Variants in CSRNP3 observed in about 807,000 individuals in gnomAD.
The protein encoded by CSRNP3 is cysteine/serine-rich nuclear protein 3.
A neutral mutation model predicts 48.0 loss-of-function variants in CSRNP3; 12 were observed. The observed-to-expected ratio is 0.25, with a 90% CI of 0.16 to 0.41. CSRNP3 has a LOEUF of 0.41. Ranked by LOEUF, CSRNP3 falls within the 10% of genes least tolerant of loss-of-function variation. CSRNP3 has a pLI of 1.00. For missense variants in CSRNP3, 580 were observed against 724.4 expected (o/e 0.80, Z 2.29); for synonymous variants, 263 against 269.7 (o/e 0.98, Z 0.24).
At chr2:165,542,900 A>C (rs1558929835) in intron 3 of CSRNP3, among the ~76,000 whole-genome samples, 1 of 152,188 alleles carries the variant, frequency 6.6e-6, no homozygotes, top group Non-Finnish European at 1.5e-5. Flanking sequence ...AGTCTGTATG[A>C]AATATGAAGT....
intron 1 of CSRNP3, among the ~76,000 whole-genome samples, chr2:165,493,832 G>A (rs1198825091): frequency 6.6e-6 from 1 of 152,010 alleles, no homozygotes; most frequent in African/African-American, 2.4e-5. Flanking sequence ...AATAACTATA[G>A]GCAAAAGAGA....
rs766951963 is a variant in CSRNP3 at position 165,687,064 on chromosome 2, A to G, written c.*7311A>G. The G allele has an allele frequency of 2.6e-5, 4 of 152,088 alleles. No homozygotes were observed. Among genetic ancestry groups the G allele is most frequent in the African/African-American group, 7.2e-5 (3 of 41,440 alleles). The allele number at this position is 152,088 out of a possible 1,614,324, so 9.4% of individuals were successfully genotyped here. A position where few individuals can be genotyped will look rare whatever the true frequency, so the allele number is the denominator to read the frequency against. On this transcript the variant is annotated 3_prime_UTR_variant, in exon 7 of 7. Coordinates refer to ENST00000651982, the MANE Select transcript of CSRNP3 (RefSeq NM_001172173.2). The stretch of plus-strand genomic sequence containing the variant: ...TTCAGCTCTCTTAGGTTTTCTCACA[A>G]TAAGAAAATATCTTGGCCAGTCTTT...
intron 4 of CSRNP3, among the ~76,000 whole-genome samples, chr2:165,618,672 G>T (rs761728355): frequency 6.6e-6 from 1 of 152,176 alleles, no homozygotes; most frequent in Non-Finnish European, 1.5e-5. Flanking sequence ...TCTTCCTCTT[G>T]TCCAGAGCCC....
chr2:165,595,976 ATTTTTTGTAT>A (rs1685803610), intron 4 of CSRNP3, among the ~76,000 whole-genome samples: 1 of 151,510 alleles, frequency 6.6e-6, no homozygotes, highest in African/African-American at 2.4e-5. Context: ...ATTTTATTTT[ATTTTTTGTAT>A]TTTTTTGTAT....
At chr2:165,582,093 C>T (rs1012883985) in intron 3 of CSRNP3, among the ~76,000 whole-genome samples, 10 of 152,192 alleles carry the variant, frequency 6.6e-5, no homozygotes, top group South Asian at 2.1e-4. Context: ...GGTGTTAATG[C>T]AGAGAAGCCA....
chr2:165,492,984 A>C (rs1338148685), intron 1 of CSRNP3, among the ~76,000 whole-genome samples: 1 of 151,610 alleles, frequency 6.6e-6, no homozygotes, highest in African/African-American at 2.4e-5. Flanking sequence ...AGAGGCCGAC[A>C]GAATATGATG....
At chr2:165,653,932 A>G (rs1258473194) in intron 4 of CSRNP3, among the ~76,000 whole-genome samples, 2 of 135,816 alleles carry the variant, frequency 1.5e-5, no homozygotes, top group Admixed American at 8.3e-5. Context: ...AGATCATGCC[A>G]CTGCACTCCA....
intron 4 of CSRNP3, among the ~76,000 whole-genome samples, chr2:165,629,810 T>C (rs729867): frequency 0.82 from 124,963 of 152,138 alleles, 51,479 homozygotes; most frequent in Non-Finnish European, 0.84. Flanking sequence ...ATCTCCCTGC[T>C]TTTTTTCCCC....
chr2:165,562,466 G>C (rs1381646388), intron 3 of CSRNP3, among the ~76,000 whole-genome samples: 1 of 152,148 alleles, frequency 6.6e-6, no homozygotes, highest in Non-Finnish European at 1.5e-5. Context: ...TCATAACCCT[G>C]TTGTTGGGGG....
intron 2 of CSRNP3, among the ~76,000 whole-genome samples, chr2:165,516,584 A>G (rs1030383174): frequency 6.6e-6 from 1 of 152,180 alleles, no homozygotes; most frequent in Non-Finnish European, 1.5e-5. Flanking sequence ...ATACAATGTT[A>G]TCTGTCAATT....
intron 4 of CSRNP3, among the ~76,000 whole-genome samples, chr2:165,620,988 C>T (rs1304362543): frequency 1.3e-5 from 2 of 151,966 alleles, no homozygotes; most frequent in African/African-American, 4.8e-5. Flanking sequence ...TTCTAGTCTG[C>T]TTTTCTTCAA....
intron 3 of CSRNP3, among the ~76,000 whole-genome samples, chr2:165,538,502 A>C (rs1233444991): frequency 6.6e-6 from 1 of 151,884 alleles, no homozygotes; most frequent in Non-Finnish European, 1.5e-5. Flanking sequence ...CCCCACTTCC[A>C]TCCAGTCTCT....
In CSRNP3 at chr2:165,536,266, A is replaced by C. The variant is rs187376725; in HGVS notation, c.-24+18305A>C. ...TGGCAGCCTCAGAGTTTGAAAATGC[A>C]GATTCATCTGACCTCAGATTACTCT... On this transcript the variant is annotated intron_variant, in intron 3 of 6. Transcript: ENST00000651982. Among the ~76,000 whole-genome samples the C allele has an allele frequency of 2.9e-3, 448 of 152,084 alleles. 2 individuals are homozygous for C. Among genetic ancestry groups the C allele is most frequent in the African/African-American group, 0.01 (424 of 41,544 alleles).
At chr2:165,563,889 T>TA (rs1193782139) in intron 3 of CSRNP3, among the ~76,000 whole-genome samples, 1 of 152,096 alleles carries the variant, frequency 6.6e-6, no homozygotes, top group Non-Finnish European at 1.5e-5. Flanking sequence ...CACATCCCTG[T>TA]AGTGCCCTTG....
intron 3 of CSRNP3, among the ~76,000 whole-genome samples, chr2:165,568,648 C>T (rs1574841198): frequency 1.3e-5 from 2 of 152,048 alleles, no homozygotes; most frequent in East Asian, 3.9e-4. Flanking sequence ...CTTGGACTTT[C>T]CAGAGCATCA....
chr2:165,526,312 C>A (rs1203711768), intron 3 of CSRNP3, among the ~76,000 whole-genome samples: 3 of 152,148 alleles, frequency 2.0e-5, no homozygotes, highest in Non-Finnish European at 4.4e-5. Flanking sequence ...TTAGAAAATT[C>A]TCTGAATTCT....
chr2:165,595,056 C>A lies in CSRNP3; in HGVS notation c.-10C>A. 1.2e-6 allele frequency: 2 copies of A among 1,613,912 alleles called. No homozygotes were observed. The highest frequency in any genetic ancestry group is 1.7e-6 in the Non-Finnish European group (2 of 1,179,930). On this transcript the variant is annotated 5_prime_UTR_variant, in exon 4 of 7. Coordinates refer to ENST00000651982, the MANE Select transcript of CSRNP3 (RefSeq NM_001172173.2). ...TTCCTGTTACAGGTACATGTGACAG[C>A]ACTGCAGCGATGAGTGGAATTTTAA...
intron 4 of CSRNP3, among the ~76,000 whole-genome samples, chr2:165,645,018 T>C: frequency 6.6e-6 from 1 of 152,018 alleles, no homozygotes. Flanking sequence ...GGGGTCATGG[T>C]CTCTCTGGGG....
chr2:165,664,882 C>A (rs947520860), intron 5 of CSRNP3, among the ~76,000 whole-genome samples: 7 of 152,130 alleles, frequency 4.6e-5, no homozygotes, highest in African/African-American at 1.7e-4. Context: ...AAACAAAAAA[C>A]AAGCAAACAA....
Sources: allele counts gnomAD v4.1 joint callset (sites outside exome capture counted in the v4.1 genomes callset), GRCh38; gene constraint gnomAD v4.1.1; transcripts MANE v1.5; gene names NCBI Gene and HGNC (gene_info 2026-07-23, HGNC 2026-07-21).